The following NTM variants were observed in gnomAD, a reference collection of about 807,000 sequenced individuals.
NTM encodes the protein IgLON family member 2.
NTM carries 13 observed loss-of-function variants against 42.1 expected under a neutral mutation model. That is an observed-to-expected ratio of 0.31 (90% confidence interval 0.20 to 0.49). The LOEUF is 0.49. NTM is among the 20% of genes least tolerant of loss of function. NTM has a pLI of 0.99. For synonymous variants in NTM, 187 were observed against 179.2 expected, an observed-to-expected ratio of 1.04 and a Z score of -0.35; for missense variants, 373 against 452.8, an observed-to-expected ratio of 0.82 and a Z score of 1.60.
chr11:131,952,386 T>C (rs1453172829), intron 2 of NTM, among the ~76,000 whole-genome samples: 1 of 152,274 alleles, frequency 6.6e-6, no homozygotes, highest in East Asian at 1.9e-4. Context: ...ATTTGTATTG[T>C]GTTTGTGTGT....
intron 1 of NTM, among the ~76,000 whole-genome samples, chr11:131,552,078 G>T (rs905518891): frequency 2.0e-5 from 3 of 152,034 alleles, no homozygotes; most frequent in African/African-American, 4.8e-5. Flanking sequence ...ACACAGAGAG[G>T]CAAGTTAAGA....
chr11:132,022,828 G>C (rs578233867), intron 2 of NTM, among the ~76,000 whole-genome samples: 49 of 152,302 alleles, frequency 3.2e-4, no homozygotes, highest in Admixed American at 7.2e-4. Context: ...GCAATTCAAA[G>C]GCTGTTAAGA....
intron 7 of NTM, among the ~76,000 whole-genome samples, chr11:132,325,825 T>C (rs2095667454): frequency 6.6e-6 from 1 of 152,180 alleles, no homozygotes; most frequent in Non-Finnish European, 1.5e-5. Context: ...CACCACGGAA[T>C]ACTATGCAGC....
chr11:131,765,114 T>C (rs1477205699), intron 1 of NTM, among the ~76,000 whole-genome samples: 1 of 152,184 alleles, frequency 6.6e-6, no homozygotes, highest in African/African-American at 2.4e-5. Context: ...AAGAATGCTC[T>C]GTATGAGAGC....
intron 1 of NTM, among the ~76,000 whole-genome samples, chr11:131,804,702 A>G (rs1200806257): frequency 1.3e-5 from 2 of 152,058 alleles, no homozygotes; most frequent in Admixed American, 6.6e-5. Context: ...GCCGCATACT[A>G]TGTCTCTATT....
intron 4 of NTM, among the ~76,000 whole-genome samples, chr11:132,264,542 G>A (rs2093060660): frequency 6.6e-6 from 1 of 151,860 alleles, no homozygotes; most frequent in African/African-American, 2.4e-5. Context: ...ATTCCTTTAT[G>A]GCTTTATCAT....
intron 1 of NTM, among the ~76,000 whole-genome samples, chr11:131,386,251 G>A (rs970348603): frequency 2.6e-5 from 4 of 152,188 alleles, no homozygotes; most frequent in Non-Finnish European, 4.4e-5. Flanking sequence ...CCACTTTCAC[G>A]AAGTACCTAG....
chr11:131,519,853 T>C (rs1265557364), intron 1 of NTM, among the ~76,000 whole-genome samples: 1 of 149,658 alleles, frequency 6.7e-6, no homozygotes, highest in Non-Finnish European at 1.5e-5. Flanking sequence ...ACCTGCTTGT[T>C]AGGGAGCTGT....
At chr11:131,772,360 C>A (rs1475901200) in intron 1 of NTM, among the ~76,000 whole-genome samples, 2 of 152,120 alleles carry the variant, frequency 1.3e-5, no homozygotes, top group African/African-American at 4.8e-5. Context: ...GAGATATCAC[C>A]CCTGTGACTA....
intron 2 of NTM, among the ~76,000 whole-genome samples, chr11:132,100,070 C>G (rs1476190150): frequency 6.6e-6 from 1 of 152,178 alleles, no homozygotes; most frequent in African/African-American, 2.4e-5. Flanking sequence ...AACAGTAATT[C>G]CAAATTAAAA....
intron 2 of NTM, among the ~76,000 whole-genome samples, chr11:132,072,860 C>T (rs1363350652): frequency 6.6e-6 from 1 of 152,028 alleles, no homozygotes; most frequent in African/African-American, 2.4e-5. Context: ...GGGAGAGGGG[C>T]CTTTTGATTT....
chr11:131,915,595 G>T (rs2056180824), intron 2 of NTM, among the ~76,000 whole-genome samples: 1 of 152,100 alleles, frequency 6.6e-6, no homozygotes, highest in Non-Finnish European at 1.5e-5. Flanking sequence ...TTTCAAGAAG[G>T]GGACTGTATT....
chr11:131,712,540 C>T (rs80314176), intron 1 of NTM, among the ~76,000 whole-genome samples: 2,554 of 152,190 alleles, frequency 0.017, 77 homozygotes, highest in African/African-American at 0.058. Context: ...AGGTTTTCTT[C>T]CCCTTCTCTT....
At chr11:131,468,169 GC>G (rs1206162782) in intron 1 of NTM, among the ~76,000 whole-genome samples, 2 of 152,174 alleles carry the variant, frequency 1.3e-5, no homozygotes, top group African/African-American at 4.8e-5. Context: ...CACTTTGCCT[GC>G]CCCCCTTCCT....
chr11:131,947,932 C>G (rs1435281965), intron 2 of NTM, among the ~76,000 whole-genome samples: 6 of 152,152 alleles, frequency 3.9e-5, no homozygotes, highest in Non-Finnish European at 7.3e-5. Context: ...TAACCATTGG[C>G]TGCTATGAGT....
At chr11:132,130,230 G>T (rs1346820888) in intron 2 of NTM, among the ~76,000 whole-genome samples, 2 of 152,130 alleles carry the variant, frequency 1.3e-5, no homozygotes, top group African/African-American at 4.8e-5. Context: ...GTAGCGGGAT[G>T]AGGGAAAGAC....
intron 1 of NTM, among the ~76,000 whole-genome samples, chr11:131,908,079 C>A (rs1346786315): frequency 6.6e-6 from 1 of 152,152 alleles, no homozygotes; most frequent in Non-Finnish European, 1.5e-5. Context: ...TTTTCTTTGC[C>A]CTCCCTGTGA....
At chr11:131,665,495 C>T (rs780447598) in intron 1 of NTM, among the ~76,000 whole-genome samples, 2 of 152,094 alleles carry the variant, frequency 1.3e-5, no homozygotes, top group East Asian at 1.9e-4. Flanking sequence ...ATGGCTAGGA[C>T]CGAATCCAAT....
chr11:132,042,395 G>T (rs755093303), intron 2 of NTM, among the ~76,000 whole-genome samples: 1 of 152,156 alleles, frequency 6.6e-6, no homozygotes, highest in Non-Finnish European at 1.5e-5. Flanking sequence ...GGCTCCAGAT[G>T]TGTTGCTGAA....
Sources: allele counts gnomAD v4.1 joint callset (sites outside exome capture counted in the v4.1 genomes callset), GRCh38; gene constraint gnomAD v4.1.1; transcripts MANE v1.5; gene names NCBI Gene and HGNC (gene_info 2026-07-23, HGNC 2026-07-21).